NUP98: variants seen among roughly 807,000 people sequenced by gnomAD.
NUP98 encodes nuclear pore complex protein Nup98-Nup96.
In NUP98, 26 loss-of-function variants were observed where a neutral mutation model predicts 191.9. That is an observed-to-expected ratio of 0.14 (90% CI 0.10 to 0.19). NUP98 has a LOEUF of 0.19. NUP98 is among the 10% of genes least tolerant of loss of function. NUP98 has a pLI of 1.00. For missense variants in NUP98, 1,941 were observed against 2,178.8 expected, an observed-to-expected ratio of 0.89 and a Z score of 2.17; for synonymous variants, 808 against 778.4, an observed-to-expected ratio of 1.04 and a Z score of -0.63.
intron 20 of NUP98, among the ~76,000 whole-genome samples, chr11:3,710,198 CA>C (rs2078991837): frequency 6.6e-6 from 1 of 152,228 alleles, no homozygotes; most frequent in South Asian, 2.1e-4. Flanking sequence ...TTGATGCAGC[CA>C]GCTGGAAATT....
chr11:3,705,323 C>T lies in NUP98; in HGVS notation c.2959G>A (p.Asp987Asn), dbSNP rs2078828037. The T allele has an allele frequency of 6.2e-7, 1 of 1,613,788 alleles. No individual in the cohort carries two copies. The highest frequency in any genetic ancestry group is 8.5e-7 in the Non-Finnish European group (1 of 1,180,014). Residue 987 changes from aspartate to asparagine, a missense_variant, in exon 22 of 33, where the codon GAT becomes AAT. By Grantham distance (23) the Asp-to-Asn change is conservative. Coordinates refer to ENST00000324932, the MANE Select transcript of NUP98 (RefSeq NM_016320.5). ...CGTTGATCCAGTGCCATATCTACAT[C>T]TTCTTCATCAGTAAGCAATGATGCT... is the stretch of plus-strand genomic sequence containing the variant. ...MKASLLTDEE[D>N]VDMALDQRFS...
Position 3,702,577 on chromosome 11 carries a change from T to A in NUP98, c.3398A>T (p.Asn1133Ile), listed in dbSNP as rs754716574. Residue 1133 changes from asparagine to isoleucine, a missense_variant, in exon 23 of 33, where the codon AAC becomes ATC. Physicochemically the swap from Asn to Ile is moderately radical, Grantham distance 149 (BLOSUM62 -3). Coordinates refer to ENST00000324932, the MANE Select transcript of NUP98 (RefSeq NM_016320.5). ...GRSFRVGWGP[N>I]WTLANSGEQL... ...TTCTCCACTATTAGCAAGAGTCCAG[T>A]TGGGGCCCCAACCAACACGAAATGA... is the stretch of plus-strand genomic sequence containing the variant. The A allele has an allele frequency of 6.2e-7, 1 of 1,614,016 alleles. No homozygotes were observed. The highest frequency in any genetic ancestry group is 1.1e-5 in the South Asian group (1 of 91,074).
At chr11:3,797,356 A>G (rs1036480089) in intron 1 of NUP98, 44 bp downstream of exon 1, 1 of 400,092 alleles carries the variant, frequency 2.5e-6, no homozygotes, top group Non-Finnish European at 4.4e-6. Flanking sequence ...AAGGGGGGAG[A>G]AACCTGCCGG....
intron 12 of NUP98, among the ~76,000 whole-genome samples, chr11:3,735,670 A>AGCCATAGT (rs1430550875): frequency 1.3e-5 from 2 of 152,196 alleles, no homozygotes; most frequent in Non-Finnish European, 2.9e-5. Context: ...CTGCATAAAA[A>AGCCATAGT]GCCATAGTCT....
intron 27 of NUP98, among the ~76,000 whole-genome samples, chr11:3,692,221 C>A (rs1189755439): frequency 2.6e-5 from 4 of 151,194 alleles, no homozygotes; most frequent in Admixed American, 2.6e-4. Context: ...CCCAGCTACT[C>A]AGGAGGCTGG....
chr11:3,758,419 T>G (rs1411370812), intron 10 of NUP98, among the ~76,000 whole-genome samples: 1 of 151,574 alleles, frequency 6.6e-6, no homozygotes, highest in African/African-American at 2.4e-5. Context: ...TGGGGAAGGG[T>G]AAGTGATAAT....
At chr11:3,764,087 C>G (rs1025932518) in intron 8 of NUP98, among the ~76,000 whole-genome samples, 2 of 152,110 alleles carry the variant, frequency 1.3e-5, no homozygotes, top group Non-Finnish European at 2.9e-5. Flanking sequence ...ATTCTTACAC[C>G]CCCCAAAGAA....
chr11:3,746,697 GAGGTC>G (rs2080513790), intron 11 of NUP98, among the ~76,000 whole-genome samples: 1 of 151,728 alleles, frequency 6.6e-6, no homozygotes, highest in Admixed American at 6.6e-5. Flanking sequence ...CAGATCACCT[GAGGTC>G]AGGAGTTCGA....
intron 27 of NUP98, among the ~76,000 whole-genome samples, chr11:3,692,166 A>T (rs7930557): frequency 0.11 from 15,884 of 150,674 alleles, 1,031 homozygotes; most frequent in Non-Finnish European, 0.14. Flanking sequence ...AGAAAAAAAA[A>T]TTTTTTTTTT....
At chr11:3,771,610 C>T (rs2133905670) in intron 7 of NUP98, 138 bp downstream of exon 7, 1 of 693,352 alleles carries the variant, frequency 1.4e-6, no homozygotes, top group East Asian at 2.7e-5. Flanking sequence ...CACATACATC[C>T]AGGCATTCCT....
At chr11:3,731,689 G>A in intron 13 of NUP98, 111 bp from the exon 14 acceptor site, 2 of 676,888 alleles carry the variant, frequency 3.0e-6, no homozygotes, top group Non-Finnish European at 2.3e-6. Flanking sequence ...TCACCTGCTA[G>A]ATACCTGTTG....
intron 14 of NUP98, among the ~76,000 whole-genome samples, chr11:3,726,474 AG>A (rs2079621735): frequency 6.6e-6 from 1 of 151,670 alleles, no homozygotes; most frequent in African/African-American, 2.4e-5. Context: ...GCACAATAAA[AG>A]TCAATGTTGG....
At chr11:3,703,273 G>C (rs1407703056) in intron 22 of NUP98, among the ~76,000 whole-genome samples, 13 of 149,268 alleles carry the variant, frequency 8.7e-5, no homozygotes, top group African/African-American at 3.0e-4. Flanking sequence ...CTAGAGTGCA[G>C]TGGCATGATC....
intron 12 of NUP98, among the ~76,000 whole-genome samples, chr11:3,743,317 C>T (rs962080561): frequency 6.6e-6 from 1 of 150,562 alleles, no homozygotes. Flanking sequence ...AGGTCCAGCC[C>T]ATAATTTTCT....
At chr11:3,694,567 T>C (rs694164) in intron 26 of NUP98, among the ~76,000 whole-genome samples, 76,155 of 151,098 alleles carry the variant, frequency 0.5, 20,820 homozygotes, top group African/African-American at 0.73. Context: ...GGTGAAACCC[T>C]GTCTCTACTT....
At chr11:3,676,828 C>G (rs1042948030) in intron 31 of NUP98, 3 of 671,156 alleles carry the variant, frequency 4.5e-6, no homozygotes, top group Non-Finnish European at 8.1e-6. Flanking sequence ...ACACAGTTAC[C>G]TAGCCTTGGA....
Position 3,700,715 on chromosome 11 carries a change from C to T in NUP98, c.3637G>A (p.Val1213Met), listed in dbSNP as rs1013588469. 4.3e-6 allele frequency: 7 copies of T among 1,613,956 alleles called. No individual in the cohort carries two copies. The highest frequency in any genetic ancestry group is 5.9e-6 in the Non-Finnish European group (7 of 1,179,810). ...ELKLKHSTVH[V>M]DELCPLIVPN... Reference sequence around the variant, plus strand: ...ACAATGAGAGGACACAGTTCATCCACATGGACAGTGCTGTGTTTTAATTTG... The same window carrying T: ...ACAATGAGAGGACACAGTTCATCCATATGGACAGTGCTGTGTTTTAATTTG... The change falls in exon 24 of 33, where the codon GTG (valine) becomes ATG (methionine). Residue 1213 changes from valine (V) to methionine (M), a missense_variant. By Grantham distance (21) the Val-to-Met change is conservative (BLOSUM62 1). Transcript: ENST00000324932.
intron 18 of NUP98, among the ~76,000 whole-genome samples, chr11:3,717,198 T>A (rs998474079): frequency 1.3e-5 from 2 of 152,134 alleles, no homozygotes; most frequent in South Asian, 2.1e-4. Context: ...TTTCACCATG[T>A]TGGCCAGGCT....
chr11:3,710,994 C>G (rs960026548), intron 20 of NUP98, among the ~76,000 whole-genome samples: 6 of 152,028 alleles, frequency 3.9e-5, no homozygotes, highest in African/African-American at 1.4e-4. Flanking sequence ...AGTCCCAGCA[C>G]TTTGGGAGGC....
Sources: allele counts gnomAD v4.1 joint callset (sites outside exome capture counted in the v4.1 genomes callset), GRCh38; gene constraint gnomAD v4.1.1; transcripts MANE v1.5; gene names NCBI Gene and HGNC (gene_info 2026-07-23, HGNC 2026-07-21).